SORCS2: variants seen among roughly 807,000 people sequenced by gnomAD.
SORCS2 encodes sortilin related VPS10 domain containing receptor 2, also known as VPS10 domain-containing receptor SorCS2.
A neutral mutation model predicts 141.6 loss-of-function variants in SORCS2; 100 were observed. That is an observed-to-expected ratio of 0.71 (90% confidence interval 0.60 to 0.83). SORCS2 has a LOEUF of 0.83. SORCS2 is among the 40% of genes least tolerant of loss of function. The pLI, the probability that SORCS2 is intolerant of heterozygous loss-of-function variation, is 0.00. For synonymous variants in SORCS2, 789 were observed against 676.9 expected, an observed-to-expected ratio of 1.17 and a Z score of -2.57; for missense variants, 1,646 against 1,560.2, an observed-to-expected ratio of 1.05 and a Z score of -0.93.
intron 1 of SORCS2, among the ~76,000 whole-genome samples, chr4:7,361,530 C>T (rs879911975): frequency 2.3e-4 from 35 of 150,886 alleles, no homozygotes; most frequent in Non-Finnish European, 5.0e-4. Flanking sequence ...GGGCTGGACA[C>T]CATAATAGCA....
At chr4:7,575,539 G>A (rs1197950580) in intron 3 of SORCS2, among the ~76,000 whole-genome samples, 1 of 152,178 alleles carries the variant, frequency 6.6e-6, no homozygotes, top group Non-Finnish European at 1.5e-5. Context: ...TGTAAAAGTA[G>A]GTTCACATAC....
intron 1 of SORCS2, among the ~76,000 whole-genome samples, chr4:7,200,374 C>T (rs143299268): frequency 2.8e-3 from 433 of 152,256 alleles, no homozygotes; most frequent in African/African-American, 9.5e-3. Flanking sequence ...CCTGGGTTCT[C>T]TCCCTGCAGC....
At chr4:7,638,577 G>C in intron 4 of SORCS2, 85 bp downstream of exon 4, 1 of 1,416,904 alleles carries the variant, frequency 7.1e-7, no homozygotes, top group Non-Finnish European at 9.4e-7. Flanking sequence ...CTTGGAGCAA[G>C]TGGGACCCGG....
In SORCS2 at chr4:7,468,061, C is replaced by T. The variant is rs540846967; in HGVS notation, c.549-63469C>T. 5.9e-5 allele frequency among the ~76,000 whole-genome samples: 9 copies of T among 152,322 alleles called. 1 individual carries two copies. The South Asian group carries it at 1.9e-3, about 32-fold the overall frequency. On this transcript the variant is annotated intron_variant, in intron 2 of 26. Coordinates refer to ENST00000507866, the MANE Select transcript of SORCS2 (RefSeq NM_020777.3). ...GATGGCAGCGGGTTCTCCCTCAGTG[C>T]CCCCAGCTCCCGCATCTGTTTCCAT...
At chr4:7,310,088 C>T (rs1241956638) in intron 1 of SORCS2, among the ~76,000 whole-genome samples, 1 of 152,192 alleles carries the variant, frequency 6.6e-6, no homozygotes, top group Non-Finnish European at 1.5e-5. Context: ...GGAGAAAGAG[C>T]TCCCAGGAAC....
intron 2 of SORCS2, among the ~76,000 whole-genome samples, chr4:7,507,540 G>C (rs1732343719): frequency 6.6e-6 from 1 of 152,172 alleles, no homozygotes; most frequent in African/African-American, 2.4e-5. Context: ...TCTAAAAATA[G>C]AAAAACCAAA....
At chr4:7,313,080 C>T (rs1344711535) in intron 1 of SORCS2, among the ~76,000 whole-genome samples, 1 of 152,238 alleles carries the variant, frequency 6.6e-6, no homozygotes, top group African/African-American at 2.4e-5. Context: ...TATATGGATT[C>T]CCTGCTGTGC....
intron 1 of SORCS2, among the ~76,000 whole-genome samples, chr4:7,361,614 GA>G (rs1308642509): frequency 6.6e-6 from 1 of 152,012 alleles, no homozygotes; most frequent in Non-Finnish European, 1.5e-5. Flanking sequence ...GTTATAATGG[GA>G]AAAAAGAGAG....
Position 7,192,988 on chromosome 4 carries a change from C to G in SORCS2, c.342C>G (p.Tyr114Ter). The change falls in exon 1 of 27, where the codon TAC becomes TAG. Residue 114 changes from tyrosine to a stop codon, truncating the protein, a stop_gained. Transcript: ENST00000507866. LOFTEE classifies it high-confidence loss of function. This position sits in a 1 kb window ranked among gnomAD's most constrained non-coding sequence, Gnocchi z 4.0. ...PGEDGAPAAGYRRWERAAPLA... is the reference protein window; with the variant it reads ...PGEDGAPAAG ...AGGACGGCGCCCCCGCCGCGGGCTACCGGCGCTGGGAGCGGGCGGCGCCGC... is the reference window on the plus strand; with the variant it reads ...AGGACGGCGCCCCCGCCGCGGGCTAGCGGCGCTGGGAGCGGGCGGCGCCGC... 1 of 1,426,506 alleles carries G rather than the reference C, an allele frequency of 7.0e-7. No homozygotes were observed. The highest frequency in any genetic ancestry group is 9.1e-7 in the Non-Finnish European group (1 of 1,097,952). The allele number at this position is 1,426,506 out of a possible 1,614,324, so 88.4% of individuals were successfully genotyped here. A position where few individuals can be genotyped will look rare whatever the true frequency, so the allele number is the denominator to read the frequency against.
intron 3 of SORCS2, among the ~76,000 whole-genome samples, chr4:7,619,920 AGCCCCTGCCCCT>A (rs953505429): frequency 2.0e-5 from 3 of 152,144 alleles, no homozygotes. Context: ...CAGATTCGTC[AGCCCCTGCCCCT>A]GCCCCTGCCC....
At chr4:7,198,570 G>A (rs146675732) in intron 1 of SORCS2, among the ~76,000 whole-genome samples, 1 of 152,292 alleles carries the variant, frequency 6.6e-6, no homozygotes, top group Non-Finnish European at 1.5e-5. Flanking sequence ...GCCTGTGAGT[G>A]CTGGGCCTCC....
intron 2 of SORCS2, among the ~76,000 whole-genome samples, chr4:7,527,469 T>C (rs77733414): frequency 6.6e-6 from 1 of 151,448 alleles, no homozygotes; most frequent in Non-Finnish European, 1.5e-5. Context: ...GCAGTGGGCC[T>C]CGGGGCCTCG....
At chr4:7,334,182 G>A (rs1187162276) in intron 1 of SORCS2, among the ~76,000 whole-genome samples, 2 of 152,170 alleles carry the variant, frequency 1.3e-5, no homozygotes, top group South Asian at 2.1e-4. Context: ...GCCCACACAG[G>A]CATGTTGGGT....
intron 1 of SORCS2, among the ~76,000 whole-genome samples, chr4:7,294,658 TCTTCC>T (rs1716836728): frequency 8.6e-6 from 1 of 115,866 alleles, no homozygotes; most frequent in Non-Finnish European, 1.8e-5. Context: ...CCCCTCTCCC[TCTTCC>T]TCTCCCTCCT....
intron 1 of SORCS2, among the ~76,000 whole-genome samples, chr4:7,315,546 A>C (rs534544778): frequency 6.6e-6 from 1 of 152,324 alleles, no homozygotes; most frequent in South Asian, 2.1e-4. Flanking sequence ...CTGGGGAGAC[A>C]CAGACCAGGA....
intron 8 of SORCS2, among the ~76,000 whole-genome samples, chr4:7,673,238 A>G (rs1379369376): frequency 6.6e-6 from 1 of 152,268 alleles, no homozygotes; most frequent in East Asian, 1.9e-4. Context: ...ATACTAATGT[A>G]AATTTTCAGG....
intron 3 of SORCS2, among the ~76,000 whole-genome samples, chr4:7,538,403 GC>G (rs1339624358): frequency 2.6e-5 from 4 of 152,226 alleles, no homozygotes; most frequent in South Asian, 2.1e-4. Context: ...TCAGCTTCGG[GC>G]CGACAGCAGG....
At chr4:7,559,858 C>G (rs1714409106) in intron 3 of SORCS2, among the ~76,000 whole-genome samples, 1 of 152,262 alleles carries the variant, frequency 6.6e-6, no homozygotes, top group Non-Finnish European at 1.5e-5. Flanking sequence ...TTGCTGTCAT[C>G]ATTGTCACCC....
intron 3 of SORCS2, among the ~76,000 whole-genome samples, chr4:7,586,706 C>T (rs1716561646): frequency 6.6e-6 from 1 of 152,080 alleles, no homozygotes; most frequent in Non-Finnish European, 1.5e-5. Flanking sequence ...GTATATGTAC[C>T]ACATTTTCTT....
Sources: allele counts gnomAD v4.1 joint callset (sites outside exome capture counted in the v4.1 genomes callset), GRCh38; gene constraint gnomAD v4.1.1; non-coding constraint Gnocchi (gnomAD v3.1); transcripts MANE v1.5; gene names NCBI Gene and HGNC (gene_info 2026-07-23, HGNC 2026-07-21).